RHOF: variants seen among roughly 807,000 people sequenced by gnomAD.
The protein encoded by RHOF is rho-related GTP-binding protein RhoF.
Under a neutral mutation model 22.2 loss-of-function variants are expected in RHOF, and 21 were observed. The observed-to-expected ratio is 0.95, with a 90% CI of 0.67 to 1.36. RHOF has a LOEUF of 1.36. Ranked by LOEUF, RHOF falls within the 40% of genes most tolerant of loss-of-function variation. The probability of loss-of-function intolerance (pLI) is 0.00; values close to 1 mark genes in which losing one functional copy is unlikely to be tolerated. For missense variants in RHOF, 285 were observed against 293.7 expected (o/e 0.97, Z 0.22); for synonymous variants, 135 against 131.2 (o/e 1.03, Z -0.20).
intron 2 of RHOF, among the ~76,000 whole-genome samples, chr12:121,784,399 G>T (rs1397012006): frequency 6.6e-6 from 1 of 151,728 alleles, no homozygotes; most frequent in Non-Finnish European, 1.5e-5. Context: ...ACAAAAATTA[G>T]CTGGGTGTGG....
rs199628911 is a variant in RHOF at position 121,781,024 on chromosome 12, G to A, written c.337-18C>T. 1.2e-5 allele frequency: 19 copies of A among 1,613,168 alleles called. No individual in the cohort carries two copies. The highest frequency in any genetic ancestry group is 3.3e-4 in the Middle Eastern group (2 of 6,084). ...GGGAACCACTGTGGAGGGAGGAGGCGGGATCAGGGGTGCGGCCGGGCCCAG... is the reference window on the plus strand; with the variant it reads ...GGGAACCACTGTGGAGGGAGGAGGCAGGATCAGGGGTGCGGCCGGGCCCAG... On this transcript the variant is annotated intron_variant, in intron 3 of 4. Coordinates refer to ENST00000267205, the MANE Select transcript of RHOF (RefSeq NM_019034.3).
chr12:121,793,132 C>T lies in RHOF; in HGVS notation c.226+20G>A, dbSNP rs775509947. Reference sequence around the variant, plus strand: ...CGGGCGGGCGGACCCTCGGGCCCCCCGGCGCGCAGGCGCACTCACCGGCCG... The same window carrying T: ...CGGGCGGGCGGACCCTCGGGCCCCCTGGCGCGCAGGCGCACTCACCGGCCG... On this transcript the variant is annotated intron_variant, in intron 2 of 4. Coordinates refer to ENST00000267205, the MANE Select transcript of RHOF (RefSeq NM_019034.3). The T allele has an allele frequency of 5.2e-6, 8 of 1,546,984 alleles. No individual in the cohort carries two copies. Among genetic ancestry groups the T allele is most frequent in the South Asian group, 2.4e-5 (2 of 83,976 alleles).
At position 121,780,929 on chromosome 12, in the gene RHOF, GTCCT is replaced by G. The variant is rs781233330; in HGVS notation, c.410_413del (p.Lys137ThrfsTer22). 1 of 1,614,020 alleles carries G rather than the reference GTCCT, an allele frequency of 6.2e-7. No homozygotes were observed. The highest frequency in any genetic ancestry group is 8.5e-7 in the Non-Finnish European group (1 of 1,179,972). ...CCCGGAGCTTCCGCAGCTGCTCCTT[GTCCT>G]TCCTCAGGTCTGTCTTGCAGCCGAT... On this transcript the variant is annotated frameshift_variant, in exon 4 of 5. Transcript: ENST00000267205. LOFTEE classifies it high-confidence loss of function.
chr12:121,784,875 G>C (rs985850691), intron 2 of RHOF, among the ~76,000 whole-genome samples: 1 of 152,170 alleles, frequency 6.6e-6, no homozygotes, highest in Non-Finnish European at 1.5e-5. Context: ...AGGTACATTA[G>C]TCCCCCTAAC....
rs912574532 is a variant in RHOF, at chr12:121,778,633, C to T, written c.*865G>A. On this transcript the variant is annotated 3_prime_UTR_variant, in exon 5 of 5. Coordinates refer to ENST00000267205, the MANE Select transcript of RHOF (RefSeq NM_019034.3). Reference sequence around the variant, plus strand: ...CAAAGGAGGCCAGGATGTCTCGCCTCCTGAACTCCACAGGCTGGTAGAAGC... The same window carrying T: ...CAAAGGAGGCCAGGATGTCTCGCCTTCTGAACTCCACAGGCTGGTAGAAGC... The T allele has an allele frequency of 6.6e-6, 1 of 151,816 alleles. No homozygotes were observed. The highest frequency in any genetic ancestry group is 1.5e-5 in the Non-Finnish European group (1 of 67,996). 9.4% of individuals were successfully genotyped at this position (151,816 alleles called of 1,614,324 possible).
intron 2 of RHOF, among the ~76,000 whole-genome samples, chr12:121,786,493 G>A (rs575706732): frequency 7.9e-5 from 12 of 152,328 alleles, no homozygotes; most frequent in African/African-American, 2.9e-4. Flanking sequence ...GAGGGAAGAA[G>A]TCAGCCCCGG....
chr12:121,784,529 A>C (rs1310344492), intron 2 of RHOF, among the ~76,000 whole-genome samples: 1 of 150,366 alleles, frequency 6.7e-6, no homozygotes, highest in East Asian at 1.9e-4. Flanking sequence ...TGGGTGACAG[A>C]GCAAGACGTC....
intron 2 of RHOF, among the ~76,000 whole-genome samples, chr12:121,789,385 T>C (rs1418979033): frequency 6.6e-6 from 1 of 151,916 alleles, no homozygotes; most frequent in Non-Finnish European, 1.5e-5. Flanking sequence ...GAAGGGAGGC[T>C]CATGCCGCAC....
rs1383414620 is a variant in RHOF at position 121,781,073 on chromosome 12, C to T, written c.336+10G>A. On this transcript the variant is annotated intron_variant, in intron 3 of 4. Coordinates refer to ENST00000267205, the MANE Select transcript of RHOF (RefSeq NM_019034.3). ...AGATGTGGGGCCACCACCCAGGAGGCCGGCCTCACCTTGATGAGGACGTTG... is the reference window on the plus strand; with the variant it reads ...AGATGTGGGGCCACCACCCAGGAGGTCGGCCTCACCTTGATGAGGACGTTG... 6.2e-7 allele frequency: 1 copy of T among 1,614,078 alleles called. No homozygotes were observed. Among genetic ancestry groups the T allele is most frequent in the Non-Finnish European group, 8.5e-7 (1 of 1,179,956 alleles).
chr12:121,779,527 T>G lies in RHOF; in HGVS notation c.607A>C (p.Lys203Gln), dbSNP rs762479943. ...AGCAGCAGGCAGAGCCGGCGCTTCT[T>G]CTGCCGTTGCGCCTTCTTCAGAGCG... ...LSALKKAQRQ[K>Q]KRRLCLLL is the part of the protein sequence containing the mutation. The change falls in exon 5 of 5, where the codon AAG becomes CAG. Residue 203 changes from lysine to glutamine, a missense_variant. By Grantham distance (53) the Lys-to-Gln change is moderately conservative. Coordinates refer to ENST00000267205, the MANE Select transcript of RHOF (RefSeq NM_019034.3). 6.2e-7 allele frequency: 1 copy of G among 1,613,360 alleles called. No homozygotes were observed. Among genetic ancestry groups the G allele is most frequent in the South Asian group, 1.1e-5 (1 of 91,092 alleles).
intron 4 of RHOF, 141 bp from the exon 5 acceptor site, chr12:121,779,803 T>C (rs892947917): frequency 1.6e-5 from 14 of 863,224 alleles, no homozygotes; most frequent in Non-Finnish European, 3.5e-6. Flanking sequence ...CCATCCTGGC[T>C]GCCCCTCACA....
Position 121,793,195 on chromosome 12 carries a change from G to A in RHOF, c.183C>T (p.Thr61=), listed in dbSNP as rs1364690580. ...SVFEKYTASV[T]VGSKEVTLNL... ...TCAGGGTCACCTCCTTGCTGCCAAC[G>A]GTCACGCTGGCCGTGTACTTCTCGA... The change falls in exon 2 of 5, where the codon ACC becomes ACT. Residue 61 remains threonine, a synonymous_variant. Coordinates refer to ENST00000267205, the MANE Select transcript of RHOF (RefSeq NM_019034.3). The A allele has an allele frequency of 1.9e-6, 3 of 1,550,756 alleles. No individual in the cohort carries two copies. Among genetic ancestry groups the A allele is most frequent in the South Asian group, 1.2e-5 (1 of 84,068 alleles).
rs1874295221 is a variant in RHOF, at chr12:121,777,836, C to T, written c.*1662G>A. 6.6e-6 allele frequency: 1 copy of T among 152,202 alleles called. No individual in the cohort carries two copies. The allele number at this position is 152,202 out of a possible 1,614,324, so 9.4% of individuals were successfully genotyped here. A position where few individuals can be genotyped will look rare whatever the true frequency, so the allele number is the denominator to read the frequency against. ...CAGGCTGTAGTTGTTGGACCTCTACCGTAGACCATCATGAGGCCTGGGGTT... is the reference window on the plus strand; with the variant it reads ...CAGGCTGTAGTTGTTGGACCTCTACTGTAGACCATCATGAGGCCTGGGGTT... On this transcript the variant is annotated 3_prime_UTR_variant, in exon 5 of 5. Transcript: ENST00000267205.
intron 2 of RHOF, among the ~76,000 whole-genome samples, chr12:121,790,455 G>A (rs975959370): frequency 6.6e-6 from 1 of 152,194 alleles, no homozygotes; most frequent in East Asian, 1.9e-4. Context: ...CCTGAGAGCC[G>A]TCCACCTGCA....
intron 2 of RHOF, among the ~76,000 whole-genome samples, chr12:121,784,751 G>A (rs902487665): frequency 2.6e-5 from 4 of 152,044 alleles, no homozygotes; most frequent in South Asian, 2.1e-4. Flanking sequence ...ACACACTAAC[G>A]TGCTATTTTG....
At position 121,779,372 on chromosome 12, in the gene RHOF, A is replaced by G. The variant is rs1356916787; in HGVS notation, c.*126T>C. On this transcript the variant is annotated 3_prime_UTR_variant, in exon 5 of 5. Coordinates refer to ENST00000267205, the MANE Select transcript of RHOF (RefSeq NM_019034.3). ...AAAGGAGAGAGTTCCAGAATGTTCC[A>G]AGAGTCTAGCCGCAGGCCCCAGACA... 9.9e-7 allele frequency: 1 copy of G among 1,011,026 alleles called. No homozygotes were observed. Among genetic ancestry groups the G allele is most frequent in the African/African-American group, 1.6e-5 (1 of 61,712 alleles). The allele number at this position is 1,011,026 out of a possible 1,614,324, so 62.6% of individuals were successfully genotyped here. A position where few individuals can be genotyped will look rare whatever the true frequency, so the allele number is the denominator to read the frequency against.
At chr12:121,792,257 G>A (rs1482492657) in intron 2 of RHOF, among the ~76,000 whole-genome samples, 1 of 152,218 alleles carries the variant, frequency 6.6e-6, no homozygotes, top group African/African-American at 2.4e-5. Flanking sequence ...CGGATGACGT[G>A]GTTCCCTGCA....
rs1874354112 is a variant in RHOF at position 121,779,345 on chromosome 12, G to A, written c.*153C>T. ...GAGTTTGTGGTCAGAGCCCCAGCCAGGAAAGGAGAGAGTTCCAGAATGTTC... is the reference window on the plus strand; with the variant it reads ...GAGTTTGTGGTCAGAGCCCCAGCCAAGAAAGGAGAGAGTTCCAGAATGTTC... On this transcript the variant is annotated 3_prime_UTR_variant, in exon 5 of 5. Coordinates refer to ENST00000267205, the MANE Select transcript of RHOF (RefSeq NM_019034.3). 6.1e-6 allele frequency: 5 copies of A among 818,852 alleles called. No homozygotes were observed. In the East Asian group the frequency reaches 1.3e-4, roughly 22 times the overall value. The allele number at this position is 818,852 out of a possible 1,614,324, so 50.7% of individuals were successfully genotyped here.
In RHOF at chr12:121,780,869, C is replaced by T; in HGVS notation, c.471+3G>A. The stretch of plus-strand genomic sequence containing the variant: ...GTGCCCCAGGGTCTTGGCCCCGGCC[C>T]ACCTGCATGTAGGTGATGGGCTCCA... On this transcript the variant is annotated splice_donor_region_variant and intron_variant, in intron 4 of 4. Transcript: ENST00000267205. 6.2e-7 allele frequency: 1 copy of T among 1,612,440 alleles called. No homozygotes were observed.
Sources: gnomAD v4.1 joint callset for allele counts (sites outside exome capture counted in the v4.1 genomes callset) on GRCh38, gnomAD v4.1.1 for gene constraint, MANE v1.5 for transcripts, NCBI Gene and HGNC (gene_info 2026-07-23, HGNC 2026-07-21) for gene names.